The following ATXN1 variants were observed in gnomAD, a reference collection of about 807,000 sequenced individuals.
ATXN1 encodes ataxin 1, also known as ataxin-1.
ATXN1 carries 8 observed loss-of-function variants against 56.4 expected under a neutral mutation model. The observed-to-expected ratio is 0.14, with a 90% confidence interval of 0.08 to 0.26. ATXN1 has a LOEUF of 0.26. Among genes scored for constraint, ATXN1 ranks in the 10% least tolerant of loss-of-function variants. The pLI is 1.00. For missense variants in ATXN1, 987 were observed against 1,106.5 expected (o/e 0.89, Z 1.53); for synonymous variants, 514 against 494.6 (o/e 1.04, Z -0.52).
intron 3 of ATXN1, among the ~76,000 whole-genome samples, chr6:16,607,594 C>T (rs1431282325): frequency 6.6e-6 from 1 of 152,204 alleles, no homozygotes; most frequent in Non-Finnish European, 1.5e-5. Context: ...CTGTTTCCAT[C>T]TGATAGGTCA....
rs149063862 is a variant in ATXN1, at chr6:16,413,624, C to T, written c.-161+72348G>A. 2.8e-3 allele frequency among the ~76,000 whole-genome samples: 419 copies of T among 152,248 alleles called. 3 individuals carry two copies. Among genetic ancestry groups the T allele is most frequent in the African/African-American group, 9.3e-3 (386 of 41,544 alleles). ...AATGAATGAATGAAAGTGAAACTGACGAGCCCATACTGGGACTGAATCGGC... is the reference window on the plus strand; with the variant it reads ...AATGAATGAATGAAAGTGAAACTGATGAGCCCATACTGGGACTGAATCGGC... On this transcript the variant is annotated intron_variant, in intron 6 of 7. Transcript: ENST00000436367.
At chr6:16,690,932 C>G (rs149919465) in intron 2 of ATXN1, among the ~76,000 whole-genome samples, 1 of 152,016 alleles carries the variant, frequency 6.6e-6, no homozygotes, top group Admixed American at 6.6e-5. Flanking sequence ...GAGAGGATTA[C>G]GAAATAATGA....
chr6:16,392,526 T>C (rs547242697), intron 6 of ATXN1, among the ~76,000 whole-genome samples: 5 of 152,148 alleles, frequency 3.3e-5, no homozygotes, highest in Non-Finnish European at 7.4e-5. Flanking sequence ...GATGGAGTTT[T>C]GCTCTATAGC....
intron 2 of ATXN1, among the ~76,000 whole-genome samples, chr6:16,681,803 C>T (rs2113401395): frequency 6.6e-6 from 1 of 152,270 alleles, no homozygotes; most frequent in South Asian, 2.1e-4. Flanking sequence ...ACAGTGAGGC[C>T]ACAGTGCCAG....
At chr6:16,647,703 A>C (rs1412541217) in intron 3 of ATXN1, among the ~76,000 whole-genome samples, 4 of 152,260 alleles carry the variant, frequency 2.6e-5, no homozygotes, top group Non-Finnish European at 4.4e-5. Context: ...TGATGATAAT[A>C]AACATTTCAC....
At chr6:16,632,906 A>T (rs1763531643) in intron 3 of ATXN1, among the ~76,000 whole-genome samples, 2 of 151,832 alleles carry the variant, frequency 1.3e-5, no homozygotes, top group African/African-American at 4.8e-5. Flanking sequence ...CTGAGACAGG[A>T]GAATCGCTTG....
chr6:16,527,323 A>T (rs2113701941), intron 4 of ATXN1, among the ~76,000 whole-genome samples: 1 of 152,262 alleles, frequency 6.6e-6, no homozygotes, highest in Admixed American at 6.5e-5. Flanking sequence ...GTCTCCAGCC[A>T]TGGAGACACG....
At chr6:16,658,333 T>C (rs1758248262) in intron 2 of ATXN1, among the ~76,000 whole-genome samples, 1 of 152,232 alleles carries the variant, frequency 6.6e-6, no homozygotes, top group Non-Finnish European at 1.5e-5. Flanking sequence ...AATCAACTGA[T>C]GTGAATACTT....
At position 16,456,589 on chromosome 6, in the gene ATXN1, T is replaced by A. The variant is rs917564422; in HGVS notation, c.-161+29383A>T. ...AAAAAGTTGGTTGGCCCTGCAGCCATGAGCAGAACTCTCAAAGTTACATAG... is the reference window on the plus strand; with the variant it reads ...AAAAAGTTGGTTGGCCCTGCAGCCAAGAGCAGAACTCTCAAAGTTACATAG... On this transcript the variant is annotated intron_variant, in intron 6 of 7. Coordinates refer to ENST00000436367, the MANE Select transcript of ATXN1 (RefSeq NM_001128164.2). 3.3e-5 allele frequency among the ~76,000 whole-genome samples: 5 copies of A among 152,188 alleles called. No homozygotes were observed. In the East Asian group the frequency reaches 9.6e-4, roughly 29 times the overall value.
At chr6:16,722,921 C>T (rs1041285382) in intron 2 of ATXN1, among the ~76,000 whole-genome samples, 8 of 152,208 alleles carry the variant, frequency 5.3e-5, no homozygotes, top group African/African-American at 1.9e-4. Flanking sequence ...AAAACACACA[C>T]ACACTCTCTC....
chr6:16,339,882 A>C (rs1251850715), intron 6 of ATXN1, among the ~76,000 whole-genome samples: 2 of 152,162 alleles, frequency 1.3e-5, no homozygotes, highest in Non-Finnish European at 2.9e-5. Flanking sequence ...TCCTGGGTTC[A>C]AGCGATTCTC....
intron 4 of ATXN1, among the ~76,000 whole-genome samples, chr6:16,584,825 C>T (rs572285395): frequency 6.6e-6 from 1 of 152,138 alleles, no homozygotes; most frequent in South Asian, 2.1e-4. Context: ...TTACCAAAAG[C>T]CGTAAAACTT....
At chr6:16,347,225 G>C (rs909130099) in intron 6 of ATXN1, among the ~76,000 whole-genome samples, 1 of 152,246 alleles carries the variant, frequency 6.6e-6, no homozygotes, top group Non-Finnish European at 1.5e-5. Flanking sequence ...GAGGAGTGCG[G>C]GCGCACGGCA....
At chr6:16,500,015 A>G (rs1419785872) in intron 5 of ATXN1, among the ~76,000 whole-genome samples, 3 of 152,166 alleles carry the variant, frequency 2.0e-5, no homozygotes, top group Non-Finnish European at 2.9e-5. Context: ...TGATTCTACT[A>G]TGCAGCCAAG....
intron 2 of ATXN1, among the ~76,000 whole-genome samples, chr6:16,693,965 G>A (rs940422277): frequency 6.6e-6 from 1 of 152,292 alleles, no homozygotes; most frequent in Middle Eastern, 3.4e-3. Flanking sequence ...AAAGAACTTG[G>A]CCTTGCCTAA....
chr6:16,689,638 A>G (rs1473414285), intron 2 of ATXN1, among the ~76,000 whole-genome samples: 2 of 151,716 alleles, frequency 1.3e-5, no homozygotes, highest in East Asian at 3.9e-4. Flanking sequence ...TTGACAAATA[A>G]TAATTGCATG....
At chr6:16,747,974 T>C (rs546581683) in intron 2 of ATXN1, among the ~76,000 whole-genome samples, 42 of 152,306 alleles carry the variant, frequency 2.8e-4, no homozygotes, top group African/African-American at 9.4e-4. Flanking sequence ...AGACAAATAG[T>C]TCATATCTGC....
At chr6:16,564,988 T>C (rs946762360) in intron 4 of ATXN1, among the ~76,000 whole-genome samples, 3 of 152,214 alleles carry the variant, frequency 2.0e-5, no homozygotes, top group Non-Finnish European at 4.4e-5. Context: ...CCTTGACTTA[T>C]GAATATCAGA....
Position 16,715,497 on chromosome 6 carries a change from G to A in ATXN1, c.-615+37736C>T, listed in dbSNP as rs1433480233. Among the ~76,000 whole-genome samples the A allele has an allele frequency of 1.3e-5, 2 of 152,184 alleles. 1 individual carries two copies. Among genetic ancestry groups the A allele is most frequent in the Middle Eastern group, 6.3e-3 (2 of 316 alleles). On this transcript the variant is annotated intron_variant, in intron 2 of 7. Coordinates refer to ENST00000436367, the MANE Select transcript of ATXN1 (RefSeq NM_001128164.2). ...AAAATGTTGCAGACTTCAGGCACTA[G>A]ATGTTTAACTCTTAATATCTGTTGA...
Sources: gnomAD v4.1 joint callset for allele counts (sites outside exome capture counted in the v4.1 genomes callset) on GRCh38, gnomAD v4.1.1 for gene constraint, MANE v1.5 for transcripts, NCBI Gene and HGNC (gene_info 2026-07-23, HGNC 2026-07-21) for gene names.